PLEKHM2: variants seen among roughly 807,000 people sequenced by gnomAD.
PLEKHM2 encodes the protein pleckstrin homology and RUN domain containing M2.
A neutral mutation model predicts 116.3 loss-of-function variants in PLEKHM2; 77 were observed. That is an observed-to-expected ratio of 0.66 (90% confidence interval 0.55 to 0.80). PLEKHM2 has a LOEUF of 0.80. PLEKHM2 is among the 30% of genes least tolerant of loss of function. PLEKHM2 has a pLI of 0.00. For missense variants in PLEKHM2, 1,183 were observed against 1,354.9 expected, an observed-to-expected ratio of 0.87 and a Z score of 1.99; for synonymous variants, 562 against 571.0, an observed-to-expected ratio of 0.98 and a Z score of 0.22.
rs141698934 is a variant in PLEKHM2, at chr1:15,691,182, G to A, written c.60+6564G>A. 1.3e-4 allele frequency among the ~76,000 whole-genome samples: 20 copies of A among 152,206 alleles called. No homozygotes were observed. The East Asian group carries it at 3.9e-3, about 29-fold the overall frequency. ...ACTCCTGGGATCAAGCGATTCTCCC[G>A]CCTCAGCCACCTGAGTAGCTGGAAC... is the stretch of plus-strand genomic sequence containing the variant. On this transcript the variant is annotated intron_variant, in intron 1 of 19. Transcript: ENST00000375799.
intron 1 of PLEKHM2, among the ~76,000 whole-genome samples, chr1:15,694,757 T>G (rs974887985): frequency 4.4e-5 from 4 of 91,582 alleles, no homozygotes; most frequent in South Asian, 2.9e-4. Flanking sequence ...TTTTGTTTTG[T>G]TTTTTTTTTT....
At chr1:15,701,129 A>AC (rs1484825478) in intron 1 of PLEKHM2, among the ~76,000 whole-genome samples, 1 of 136,352 alleles carries the variant, frequency 7.3e-6, no homozygotes, top group East Asian at 2.3e-4. Context: ...AAAAAAAAAA[A>AC]GGGGGTGGGG....
chr1:15,702,030 G>A (rs972789709), intron 1 of PLEKHM2, among the ~76,000 whole-genome samples: 4 of 152,204 alleles, frequency 2.6e-5, no homozygotes, highest in African/African-American at 9.6e-5. Flanking sequence ...AGCTGTCACT[G>A]ATACGGACGG....
In PLEKHM2 at chr1:15,733,855, C is replaced by A; in HGVS notation, c.2981C>A (p.Ala994Asp). 6.2e-7 allele frequency: 1 copy of A among 1,613,098 alleles called. No individual in the cohort carries two copies. Among genetic ancestry groups the A allele is most frequent in the Non-Finnish European group, 8.5e-7 (1 of 1,179,836 alleles). Residue 994 changes from alanine (A) to aspartate (D), a missense_variant, in exon 20 of 20, where the codon GCC becomes GAC. This residue lies in a region of PLEKHM2 where 594 missense variants were observed against 720.1 expected (regional missense o/e 0.82). Coordinates refer to ENST00000375799, the MANE Select transcript of PLEKHM2 (RefSeq NM_015164.4). ...TCCAACAAGAAGAAATTCGAGGATG[C>A]CTTGAGCCTCATCCACAGCGCCTGG... Reference protein sequence around the residue: ...EASNKKKFEDALSLIHSAWQR... With the variant: ...EASNKKKFEDDLSLIHSAWQR...
At chr1:15,716,486 GTC>G in intron 2 of PLEKHM2, 143 bp downstream of exon 2, 1 of 677,482 alleles carries the variant, frequency 1.5e-6, no homozygotes, top group Non-Finnish European at 2.5e-6. Context: ...GTGGGCCACA[GTC>G]TCTCTGTAGT....
At position 15,728,033 on chromosome 1, in the gene PLEKHM2, ACCGCTG is replaced by A; in HGVS notation, c.1761-43_1761-38del. 1 of 1,511,034 alleles carries A rather than the reference ACCGCTG, an allele frequency of 6.6e-7. No individual in the cohort carries two copies. The highest frequency in any genetic ancestry group is 9.1e-7 in the Non-Finnish European group (1 of 1,099,000). 93.6% of individuals were successfully genotyped at this position (1,511,034 alleles called of 1,614,324 possible). A position where few individuals can be genotyped will look rare whatever the true frequency, so the allele number is the denominator to read the frequency against. On this transcript the variant is annotated intron_variant, in intron 9 of 19. Coordinates refer to ENST00000375799, the MANE Select transcript of PLEKHM2 (RefSeq NM_015164.4). This position sits in a 1 kb window ranked among gnomAD's most constrained non-coding sequence, Gnocchi z 5.9. ...TCTGGGGTGGGGTGTGGCCTCTCTC[ACCGCTG>A]CCTGCCTGACATCTCGCCCTCCTGA...
intron 1 of PLEKHM2, among the ~76,000 whole-genome samples, chr1:15,692,212 A>G (rs1342363612): frequency 6.6e-6 from 1 of 152,200 alleles, no homozygotes; most frequent in Non-Finnish European, 1.5e-5. Context: ...GTTTAGATCA[A>G]TAGTTTTGTT....
At chr1:15,704,198 G>A (rs1641174608) in intron 1 of PLEKHM2, among the ~76,000 whole-genome samples, 2 of 144,678 alleles carry the variant, frequency 1.4e-5, no homozygotes, top group Admixed American at 1.4e-4. Context: ...CCTGGGCAAG[G>A]ACTTTATTTC....
Position 15,721,235 on chromosome 1 carries a change from C to G in PLEKHM2, c.653-94C>G. ...TGAAGTTTTCCTCTCCTATTTTCTC[C>G]CCATGTCTCCCACCCCATTTCCCCT... On this transcript the variant is annotated intron_variant, in intron 6 of 19. Coordinates refer to ENST00000375799, the MANE Select transcript of PLEKHM2 (RefSeq NM_015164.4). This position sits in a 1 kb window ranked among gnomAD's most constrained non-coding sequence, Gnocchi z 5.1. 1 of 727,460 alleles carries G rather than the reference C, an allele frequency of 1.4e-6. No homozygotes were observed. Among genetic ancestry groups the G allele is most frequent in the Middle Eastern group, 3.0e-4 (1 of 3,332 alleles). 45.1% of individuals were successfully genotyped at this position (727,460 alleles called of 1,614,324 possible).
chr1:15,718,795 G>A (rs771793462), intron 5 of PLEKHM2, among the ~76,000 whole-genome samples, 170 bp downstream of exon 5: 35 of 152,118 alleles, frequency 2.3e-4, no homozygotes, highest in Non-Finnish European at 4.0e-4. Flanking sequence ...AGGGTCCATC[G>A]AATTGAGTGA....
rs754341890 is a variant in PLEKHM2 at position 15,730,625 on chromosome 1, C to A, written c.2302C>A (p.Pro768Thr). The A allele has an allele frequency of 4.5e-5, 72 of 1,608,252 alleles. No homozygotes were observed. The highest frequency in any genetic ancestry group is 1.6e-4 in the Middle Eastern group (1 of 6,078). Residue 768 changes from proline (P) to threonine (T), a missense_variant, in exon 15 of 20, where the codon CCC becomes ACC. Transcript: ENST00000375799. ...LGPTPCHCSP[P>T]EGTITKEGML... ...CCCCACGCCCTGCCACTGCTCACCCCCCGAGGGCACCATCACCAAAGAAGG... is the reference window on the plus strand; with the variant it reads ...CCCCACGCCCTGCCACTGCTCACCCACCGAGGGCACCATCACCAAAGAAGG...
intron 16 of PLEKHM2, 132 bp from the exon 17 acceptor site, chr1:15,731,757 C>G (rs958178399): frequency 1.2e-5 from 9 of 729,856 alleles, no homozygotes; most frequent in African/African-American, 3.6e-5. Context: ...CCTGGAGAAC[C>G]CTCTGGTATC....
rs1325406538 is a variant in PLEKHM2, at chr1:15,730,727, G to A, written c.2399+5G>A. 3.8e-6 allele frequency: 6 copies of A among 1,589,472 alleles called. No homozygotes were observed. The highest frequency in any genetic ancestry group is 5.1e-6 in the Non-Finnish European group (6 of 1,168,402). ...GACGTGCTTCGTGGTGCTCAGGTGG[G>A]AGCCCTGGCAGCTCTAGGCCTGGGG... On this transcript the variant is annotated splice_donor_5th_base_variant and intron_variant, in intron 15 of 19. Coordinates refer to ENST00000375799, the MANE Select transcript of PLEKHM2 (RefSeq NM_015164.4).
chr1:15,691,632 G>T (rs1183224570), intron 1 of PLEKHM2, among the ~76,000 whole-genome samples: 1 of 152,184 alleles, frequency 6.6e-6, no homozygotes, highest in Non-Finnish European at 1.5e-5. Flanking sequence ...ACTGCCTTGA[G>T]CAGGAGTCTC....
At chr1:15,720,561 A>C (rs1290387361) in intron 6 of PLEKHM2, 2 of 844,770 alleles carry the variant, frequency 2.4e-6, no homozygotes, top group Non-Finnish European at 2.8e-6. Flanking sequence ...CCTGGTGTTC[A>C]TGGATAAAAC....
At chr1:15,694,276 G>C (rs1640945279) in intron 1 of PLEKHM2, among the ~76,000 whole-genome samples, 1 of 152,038 alleles carries the variant, frequency 6.6e-6, no homozygotes, top group Non-Finnish European at 1.5e-5. Context: ...TTGAACCCAG[G>C]AGGTGGAGGT....
intron 8 of PLEKHM2, among the ~76,000 whole-genome samples, chr1:15,726,452 C>T (rs2068064623): frequency 6.6e-6 from 1 of 152,202 alleles, no homozygotes; most frequent in Non-Finnish European, 1.5e-5. Flanking sequence ...GCCAGGAGGC[C>T]ACCCCATGGG....
rs763828761 is a variant in PLEKHM2, at chr1:15,733,807, C to T, written c.2933C>T (p.Pro978Leu). 15 of 1,613,000 alleles carry T rather than the reference C, an allele frequency of 9.3e-6. No individual in the cohort carries two copies. Among genetic ancestry groups the T allele is most frequent in the Non-Finnish European group, 1.3e-5 (15 of 1,179,774 alleles). Residue 978 changes from proline (P) to leucine (L), a missense_variant, in exon 20 of 20, where the codon CCC becomes CTC. Coordinates refer to ENST00000375799, the MANE Select transcript of PLEKHM2 (RefSeq NM_015164.4). The part of the protein sequence containing the change: ...GWKTIYQVDL[P>L]HTAIQEASNK... The stretch of plus-strand genomic sequence containing the variant: ...CACGCCCCAACACAGGTGGACCTCC[C>T]CCACACGGCGATCCAGGAAGCCTCC...
intron 1 of PLEKHM2, among the ~76,000 whole-genome samples, chr1:15,710,915 C>G (rs1641318586): frequency 6.6e-6 from 1 of 152,174 alleles, no homozygotes; most frequent in Non-Finnish European, 1.5e-5. Flanking sequence ...TGGCTCATGC[C>G]TGTAATCCCA....
Sources: gnomAD v4.1 joint callset for allele counts (sites outside exome capture counted in the v4.1 genomes callset) on GRCh38, gnomAD v4.1.1 for gene constraint, gnomAD v4.1.1 regional missense constraint, Gnocchi (gnomAD v3.1) non-coding constraint, MANE v1.5 for transcripts, NCBI Gene and HGNC (gene_info 2026-07-23, HGNC 2026-07-21) for gene names.